Variants in PTGS1 observed in about 807,000 individuals in gnomAD.
The protein encoded by PTGS1 is prostaglandin-endoperoxide synthase 1.
In PTGS1, 40 loss-of-function variants were observed where a neutral mutation model predicts 63.0. The observed-to-expected ratio is 0.63, with a 90% CI of 0.49 to 0.83. The LOEUF is 0.83. Ranked by LOEUF, PTGS1 falls within the 40% of genes least tolerant of loss-of-function variation. PTGS1 has a pLI of 0.00. For synonymous variants in PTGS1, 298 were observed against 301.9 expected (o/e 0.99, Z 0.13); for missense variants, 709 against 786.5 (o/e 0.90, Z 1.18).
intron 2 of PTGS1, chr9:122,372,828 T>G (rs984750975): frequency 6.6e-6 from 1 of 152,302 alleles, no homozygotes; most frequent in African/African-American, 2.4e-5. Context: ...GAATTGTTTT[T>G]TTTTATCCCC....
intron 10 of PTGS1, among the ~76,000 whole-genome samples, chr9:122,390,812 G>A (rs1838175683): frequency 6.6e-6 from 1 of 152,130 alleles, no homozygotes; most frequent in Non-Finnish European, 1.5e-5. Flanking sequence ...CAGGAGAATG[G>A]TGTGAACCTG....
At chr9:122,391,702 C>A (rs1181493876) in intron 10 of PTGS1, among the ~76,000 whole-genome samples, 1 of 150,526 alleles carries the variant, frequency 6.6e-6, no homozygotes, top group Non-Finnish European at 1.5e-5. Context: ...TCTTTACTCT[C>A]CCATGACAAA....
At chr9:122,371,616 C>T in intron 2 of PTGS1, 1 of 1,431,248 alleles carries the variant, frequency 7.0e-7, no homozygotes, top group Non-Finnish European at 9.1e-7. Context: ...CCTATAGGGG[C>T]CTCTTTGGGA....
At position 122,392,453 on chromosome 9, in the gene PTGS1, A is replaced by G; in HGVS notation, c.1709A>G (p.Asn570Ser). Residue 570 changes from asparagine (N) to serine (S), a missense_variant, in exon 11 of 11, where the codon AAC (asparagine) becomes AGC (serine). Physicochemically the swap from Asn to Ser is conservative, Grantham distance 46. Transcript: ENST00000362012. ...TATLKKLVCL[N>S]TKTCPYVSFR... ...ACACTGAAGAAGCTGGTCTGCCTCAACACCAAGACCTGTCCCTACGTTTCC... is the reference window on the plus strand; with the variant it reads ...ACACTGAAGAAGCTGGTCTGCCTCAGCACCAAGACCTGTCCCTACGTTTCC... The G allele has an allele frequency of 6.2e-7, 1 of 1,614,126 alleles. No homozygotes were observed. The highest frequency in any genetic ancestry group is 8.5e-7 in the Non-Finnish European group (1 of 1,180,016).
rs753672636 is a variant in PTGS1 at position 122,378,504 on chromosome 9, G to A, written c.283G>A (p.Gly95Arg). The A allele has an allele frequency of 2.5e-6, 4 of 1,614,204 alleles. No individual in the cohort carries two copies. The highest frequency in any genetic ancestry group is 2.2e-5 in the East Asian group (1 of 44,878). ...TTTCACCCACTTCCTGCTCACTCAC[G>A]GGCGCTGGTTCTGGGAGTTTGTCAA... Reference protein sequence around the residue: ...PSFTHFLLTHGRWFWEFVNAT... With the variant: ...PSFTHFLLTHRRWFWEFVNAT... The change falls in exon 4 of 11, where the codon GGG (glycine) becomes AGG (arginine). Residue 95 changes from glycine to arginine, a missense_variant. By Grantham distance (125) the Gly-to-Arg change is moderately radical (BLOSUM62 -2). Transcript: ENST00000362012.
chr9:122,371,367 C>G, intron 2 of PTGS1, 95 bp downstream of exon 2: 2 of 1,566,012 alleles, frequency 1.3e-6, no homozygotes, highest in Non-Finnish European at 1.7e-6. Flanking sequence ...GCCCAGCTTC[C>G]CCTTTCTGCT....
At chr9:122,383,421 C>A in intron 7 of PTGS1, 88 bp from the exon 8 acceptor site, 2 of 1,511,664 alleles carry the variant, frequency 1.3e-6, no homozygotes, top group Non-Finnish European at 1.8e-6. Context: ...GGGGAACTGG[C>A]AGCTGGAGGC....
chr9:122,370,843 G>A (rs1162978427), upstream of PTGS1: 1 of 633,100 alleles, frequency 1.6e-6, no homozygotes, highest in Non-Finnish European at 2.7e-6. Flanking sequence ...CATCAGAAAC[G>A]TAAGTGCTTC....
intron 5 of PTGS1, among the ~76,000 whole-genome samples, chr9:122,379,965 T>C (rs140498499): frequency 2.0e-5 from 3 of 152,178 alleles, no homozygotes; most frequent in Non-Finnish European, 2.9e-5. Flanking sequence ...GTGAGGGCAA[T>C]TGGGTGACAA....
At position 122,377,936 on chromosome 9, in the gene PTGS1, C is replaced by A; in HGVS notation, c.132C>A (p.Gly44=). The A allele has an allele frequency of 6.2e-7, 1 of 1,614,124 alleles. No homozygotes were observed. The highest frequency in any genetic ancestry group is 1.3e-5 in the African/African-American group (1 of 75,062). ...PCCYYPCQHQ[G]ICVRFGLDRY... ...GTTACTATCCATGCCAGCACCAGGG[C>A]ATCTGTGTCCGCTTCGGCCTTGACC... Residue 44 remains glycine (G), a synonymous_variant, in exon 3 of 11, where the codon GGC becomes GGA. Coordinates refer to ENST00000362012, the MANE Select transcript of PTGS1 (RefSeq NM_000962.4).
At chr9:122,379,018 C>A in intron 5 of PTGS1, 100 bp downstream of exon 5, 1 of 1,473,250 alleles carries the variant, frequency 6.8e-7, no homozygotes, top group Non-Finnish European at 9.2e-7. Context: ...CCCAATTCTG[C>A]AGATGGCTAG....
Position 122,390,277 on chromosome 9 carries a change from T to C in PTGS1, c.1376T>C (p.Leu459Pro). 6.2e-7 allele frequency: 1 copy of C among 1,614,218 alleles called. No homozygotes were observed. The change falls in exon 10 of 11, where the codon CTG becomes CCG. Residue 459 changes from leucine (L) to proline (P), a missense_variant. Leu to Pro is a moderately conservative substitution (Grantham distance 98, BLOSUM62 -3). Transcript: ENST00000362012. ...ATCAGGGAGTCTCGGGAGATGCGGC[T>C]GCAGCCCTTCAATGAGTACCGCAAG... ...DVIRESREMR[L>P]QPFNEYRKRF...
At chr9:122,373,851 C>T (rs1836950436) in intron 2 of PTGS1, among the ~76,000 whole-genome samples, 1 of 147,530 alleles carries the variant, frequency 6.8e-6, no homozygotes, top group South Asian at 2.1e-4. Flanking sequence ...GTCAGGGTTC[C>T]CCACCTTTTT....
Position 122,393,447 on chromosome 9 carries a change from G to A in PTGS1, c.*903G>A, listed in dbSNP as rs200329995. ...GGATCCTTGGGCCCATCACTGTATA[G>A]ACATGCTACCACTGGTACTTCCTTT... On this transcript the variant is annotated 3_prime_UTR_variant, in exon 11 of 11. Transcript: ENST00000362012. 1.3e-5 allele frequency: 2 copies of A among 152,212 alleles called. No individual in the cohort carries two copies. Among genetic ancestry groups the A allele is most frequent in the African/African-American group, 2.4e-5 (1 of 41,432 alleles). The allele number at this position is 152,212 out of a possible 1,614,324, so 9.4% of individuals were successfully genotyped here.
chr9:122,381,969 T>C (rs564784095), intron 7 of PTGS1, among the ~76,000 whole-genome samples: 1 of 152,334 alleles, frequency 6.6e-6, no homozygotes, highest in South Asian at 2.1e-4. Flanking sequence ...AGGTGGATTT[T>C]GGAGCTCAAC....
chr9:122,389,219 T>C (rs12238478), intron 9 of PTGS1, among the ~76,000 whole-genome samples: 30,052 of 147,464 alleles, frequency 0.2, 6,626 homozygotes, highest in African/African-American at 0.55. Context: ...GGTGTGATTT[T>C]GGCTCACTGT....
chr9:122,392,083 G>A lies in PTGS1; in HGVS notation c.1445-106G>A, dbSNP rs977690519. The stretch of plus-strand genomic sequence containing the variant: ...CAGTTGCTCAAGTTAGTCTCCTGGA[G>A]TCCCTATTATCCCCAGAAAAAGGTG... On this transcript the variant is annotated intron_variant, in intron 10 of 10. Transcript: ENST00000362012. 2.8e-5 allele frequency: 26 copies of A among 925,824 alleles called. No homozygotes were observed. The African/African-American group carries it at 4.2e-4, about 15-fold the overall frequency. 57.4% of individuals were successfully genotyped at this position (925,824 alleles called of 1,614,324 possible). A position where few individuals can be genotyped will look rare whatever the true frequency, so the allele number is the denominator to read the frequency against.
At position 122,377,870 on chromosome 9, in the gene PTGS1, G is replaced by A. The variant is rs1179672697; in HGVS notation, c.95-29G>A. On this transcript the variant is annotated intron_variant, in intron 2 of 10. Coordinates refer to ENST00000362012, the MANE Select transcript of PTGS1 (RefSeq NM_000962.4). ...GGGGGTCAGGAGGCCACCCTAGCATGGTCTCTGACCTCCATTTCTCACCCA... is the reference window on the plus strand; with the variant it reads ...GGGGGTCAGGAGGCCACCCTAGCATAGTCTCTGACCTCCATTTCTCACCCA... 2.5e-6 allele frequency: 4 copies of A among 1,599,180 alleles called. No homozygotes were observed. In the Admixed American group the frequency reaches 6.7e-5, roughly 27 times the overall value.
chr9:122,388,670 C>T (rs57914153), intron 9 of PTGS1, among the ~76,000 whole-genome samples: 7,942 of 152,256 alleles, frequency 0.052, 618 homozygotes, highest in African/African-American at 0.18. Context: ...TGTTCTCTCT[C>T]AAGGCTCTAT....
Sources: allele counts gnomAD v4.1 joint callset (sites outside exome capture counted in the v4.1 genomes callset), GRCh38; gene constraint gnomAD v4.1.1; transcripts MANE v1.5; gene names NCBI Gene and HGNC (gene_info 2026-07-23, HGNC 2026-07-21).